CTNNA3: variants seen among roughly 807,000 people sequenced by gnomAD.
CTNNA3 encodes catenin alpha-3.
Under a neutral mutation model 95.7 loss-of-function variants are expected in CTNNA3, and 76 were observed. That is an observed-to-expected ratio of 0.79 (90% CI 0.66 to 0.96). CTNNA3 has a LOEUF of 0.96. Among genes scored for constraint, CTNNA3 ranks in the 40% least tolerant of loss-of-function variants. The pLI is 0.00. For missense variants in CTNNA3, 1,191 were observed against 1,089.8 expected (o/e 1.09, Z -1.31); for synonymous variants, 431 against 374.4 (o/e 1.15, Z -1.74).
intron 5 of CTNNA3, among the ~76,000 whole-genome samples, chr10:67,309,639 T>C (rs1048960501): frequency 6.6e-6 from 1 of 152,150 alleles, no homozygotes; most frequent in African/African-American, 2.4e-5. Context: ...TTATGTTGTT[T>C]TGACTGATCT....
intron 14 of CTNNA3, among the ~76,000 whole-genome samples, chr10:66,076,342 C>T (rs1202068758): frequency 6.6e-6 from 1 of 151,488 alleles, no homozygotes; most frequent in Non-Finnish European, 1.5e-5. Flanking sequence ...ATTTTGAGAA[C>T]AAATTTATTT....
chr10:67,653,528 G>T (rs536543479), intron 1 of CTNNA3, among the ~76,000 whole-genome samples: 1 of 152,204 alleles, frequency 6.6e-6, no homozygotes, highest in South Asian at 2.1e-4. Flanking sequence ...ACAATCTTAG[G>T]TTCCAGTGAA....
chr10:66,448,585 C>A (rs55993174), intron 11 of CTNNA3, among the ~76,000 whole-genome samples: 6,025 of 151,806 alleles, frequency 0.04, 183 homozygotes, highest in Non-Finnish European at 0.063. Flanking sequence ...GGACAAAAAA[C>A]CAAACACTGC....
At chr10:67,511,911 G>A (rs1564704878) in intron 5 of CTNNA3, among the ~76,000 whole-genome samples, 1 of 151,964 alleles carries the variant, frequency 6.6e-6, no homozygotes. Context: ...ACTTCTTCCT[G>A]GTTTAGTCTT....
rs1041569776 is a variant in CTNNA3, at chr10:67,741,353, A to T, written c.-2+22081T>A. On this transcript the variant is annotated intron_variant, in intron 1 of 17. Transcript: ENST00000684154. The stretch of plus-strand genomic sequence containing the variant: ...TAAAAAATAAAAAAAGAACAAAAAA[A>T]AAAAAAGAAAAGAAAAGAATTTTCA... Among the ~76,000 whole-genome samples the T allele has an allele frequency of 1.3e-4, 20 of 150,042 alleles. 1 individual carries two copies. Among genetic ancestry groups the T allele is most frequent in the African/African-American group, 4.4e-4 (18 of 41,264 alleles).
chr10:67,501,015 A>C (rs1480465589), intron 5 of CTNNA3, among the ~76,000 whole-genome samples: 3 of 152,230 alleles, frequency 2.0e-5, no homozygotes, highest in African/African-American at 7.2e-5. Flanking sequence ...TTATGATGCT[A>C]GCTGGTTATT....
chr10:67,508,729 A>G (rs576159411), intron 5 of CTNNA3, among the ~76,000 whole-genome samples: 11 of 152,216 alleles, frequency 7.2e-5, no homozygotes, highest in Non-Finnish European at 1.6e-4. Context: ...AACCTATGGA[A>G]TGAAATAAAA....
chr10:67,086,489 A>G lies in CTNNA3; in HGVS notation c.1047+93828T>C, dbSNP rs112201501. 3.2e-3 allele frequency among the ~76,000 whole-genome samples: 481 copies of G among 152,138 alleles called. 2 individuals are homozygous for G. Among genetic ancestry groups the G allele is most frequent in the African/African-American group, 0.011 (458 of 41,552 alleles). On this transcript the variant is annotated intron_variant, in intron 7 of 17. Transcript: ENST00000433211. Reference sequence around the variant, plus strand: ...GTTTGGATGTCAGCTGCTTGGGTTCAGCAAATCCTGAAATGCTCCTCTGCA... The same window carrying G: ...GTTTGGATGTCAGCTGCTTGGGTTCGGCAAATCCTGAAATGCTCCTCTGCA...
intron 7 of CTNNA3, among the ~76,000 whole-genome samples, chr10:67,084,351 T>A (rs1439327797): frequency 6.6e-6 from 1 of 152,080 alleles, no homozygotes; most frequent in Admixed American, 6.6e-5. Context: ...CAACAGTCAC[T>A]AACCATGACC....
chr10:66,818,629 G>T (rs1212069422), intron 7 of CTNNA3, among the ~76,000 whole-genome samples: 1 of 152,102 alleles, frequency 6.6e-6, no homozygotes, highest in Non-Finnish European at 1.5e-5. Flanking sequence ...AGACATTCTG[G>T]GGAATGGATT....
chr10:66,122,833 C>T (rs2082640974), intron 13 of CTNNA3, among the ~76,000 whole-genome samples: 2 of 152,158 alleles, frequency 1.3e-5, no homozygotes, highest in Admixed American at 1.3e-4. Context: ...CTTTTTAAAA[C>T]CATCAGATCT....
At chr10:66,379,114 A>T in intron 12 of CTNNA3, 38 bp downstream of exon 12, 1 of 1,501,370 alleles carries the variant, frequency 6.7e-7, no homozygotes, top group Non-Finnish European at 9.3e-7. Flanking sequence ...AGATTCAAAT[A>T]AGAGAAATTG....
At chr10:67,449,938 C>T (rs915125654) in intron 5 of CTNNA3, among the ~76,000 whole-genome samples, 28 of 151,884 alleles carry the variant, frequency 1.8e-4, no homozygotes, top group African/African-American at 6.5e-4. Context: ...GAAACTTAAA[C>T]AAATTTACAA....
At chr10:67,659,499 T>C (rs1840118335) in intron 1 of CTNNA3, among the ~76,000 whole-genome samples, 2 of 152,204 alleles carry the variant, frequency 1.3e-5, no homozygotes, top group Middle Eastern at 3.2e-3. Flanking sequence ...ATAAAAAGTA[T>C]GCCAAAATGG....
intron 7 of CTNNA3, among the ~76,000 whole-genome samples, chr10:66,789,216 G>A (rs1342257658): frequency 1.3e-5 from 2 of 151,428 alleles, no homozygotes; most frequent in Non-Finnish European, 2.9e-5. Context: ...CACTCTTCTC[G>A]CTGAGGCTGG....
intron 11 of CTNNA3, among the ~76,000 whole-genome samples, chr10:66,382,376 G>A (rs1002135187): frequency 1.2e-4 from 19 of 152,160 alleles, no homozygotes; most frequent in Non-Finnish European, 2.6e-4. Context: ...CCTGGCTGGG[G>A]AAGGGGAATC....
chr10:67,108,275 TAAG>T (rs1858755737), intron 7 of CTNNA3, among the ~76,000 whole-genome samples: 1 of 152,180 alleles, frequency 6.6e-6, no homozygotes, highest in African/African-American at 2.4e-5. Flanking sequence ...ACATGATACA[TAAG>T]AAGCTACTTT....
At chr10:67,758,681 T>C (rs1284876741) in intron 1 of CTNNA3, among the ~76,000 whole-genome samples, 1 of 151,978 alleles carries the variant, frequency 6.6e-6, no homozygotes, top group Non-Finnish European at 1.5e-5. Flanking sequence ...GTCCATAGAG[T>C]TTTATAGGGA....
chr10:65,967,317 T>C (rs935991955), intron 16 of CTNNA3, among the ~76,000 whole-genome samples: 2 of 152,198 alleles, frequency 1.3e-5, no homozygotes, highest in Non-Finnish European at 2.9e-5. Flanking sequence ...CTTTAATTTA[T>C]GACAAAGGTT....
Sources: gnomAD v4.1 joint callset for allele counts (sites outside exome capture counted in the v4.1 genomes callset) on GRCh38, gnomAD v4.1.1 for gene constraint, MANE v1.5 for transcripts, NCBI Gene and HGNC (gene_info 2026-07-23, HGNC 2026-07-21) for gene names.